Variants in GALNT17 observed in about 807,000 individuals in gnomAD.
The protein encoded by GALNT17 is UDP-GalNAc:polypeptide N-acetylgalactosaminyltransferase-like 3.
GALNT17 carries 29 observed loss-of-function variants against 63.7 expected under a neutral mutation model. The ratio of observed to expected loss-of-function variants is 0.46; its 90% confidence interval spans 0.34 to 0.62. The LOEUF (loss-of-function observed/expected upper bound fraction) is 0.62, where lower values mean the gene tolerates loss of function less well. GALNT17 is among the 20% of genes least tolerant of loss of function. The probability of loss-of-function intolerance (pLI) is 0.01; values close to 1 mark genes in which losing one functional copy is unlikely to be tolerated. For synonymous variants in GALNT17, 305 were observed against 318.3 expected, an observed-to-expected ratio of 0.96 and a Z score of 0.45; for missense variants, 603 against 799.6, an observed-to-expected ratio of 0.75 and a Z score of 2.97.
At chr7:71,382,311 C>T (rs1258338433) in intron 2 of GALNT17, among the ~76,000 whole-genome samples, 9 of 151,878 alleles carry the variant, frequency 5.9e-5, no homozygotes, top group African/African-American at 9.7e-5. Flanking sequence ...ACCCAGGGGG[C>T]GGAGGGTACA....
At chr7:71,208,749 G>T (rs1789320739) in intron 1 of GALNT17, among the ~76,000 whole-genome samples, 1 of 152,010 alleles carries the variant, frequency 6.6e-6, no homozygotes, top group Non-Finnish European at 1.5e-5. Flanking sequence ...ACTACACCTG[G>T]CCACGAGTGC....
intron 5 of GALNT17, among the ~76,000 whole-genome samples, chr7:71,459,291 C>T (rs755550274): frequency 3.3e-5 from 5 of 152,112 alleles, no homozygotes; most frequent in African/African-American, 1.2e-4. Context: ...CAGACAGAAA[C>T]AGCTGGGCTG....
At chr7:71,687,420 A>C (rs765469580) in intron 9 of GALNT17, among the ~76,000 whole-genome samples, 1 of 152,174 alleles carries the variant, frequency 6.6e-6, no homozygotes, top group Non-Finnish European at 1.5e-5. Context: ...TCGTCGTCGG[A>C]AAACACAGAA....
At position 71,344,606 on chromosome 7, in the gene GALNT17, G is replaced by A. The variant is rs1583876816; in HGVS notation, c.422+8873G>A. On this transcript the variant is annotated intron_variant, in intron 2 of 10. Coordinates refer to ENST00000333538, the MANE Select transcript of GALNT17 (RefSeq NM_022479.3). ...TGGCAGAAATGTGGAGAATTGAATG[G>A]AGAAGATGGAGGCTGGTAGCAGGAT... is the stretch of plus-strand genomic sequence containing the variant. 4.6e-5 allele frequency among the ~76,000 whole-genome samples: 7 copies of A among 152,164 alleles called. No homozygotes were observed. In the South Asian group the frequency reaches 1.5e-3, roughly 32 times the overall value.
chr7:71,477,574 C>A (rs1787745628), intron 5 of GALNT17, among the ~76,000 whole-genome samples: 1 of 152,114 alleles, frequency 6.6e-6, no homozygotes, highest in Admixed American at 6.5e-5. Flanking sequence ...TAGTGACTGG[C>A]ACCTACAGTC....
chr7:71,286,116 T>C lies in GALNT17; in HGVS notation c.239-49434T>C, dbSNP rs368315472. Among the ~76,000 whole-genome samples, 4 of 152,292 alleles carry C rather than the reference T, an allele frequency of 2.6e-5. No homozygotes were observed. The East Asian group carries it at 7.7e-4, about 29-fold the overall frequency. ...GCATTCAACTGATTGCAATAAAATA[T>C]CTTGCGTTTGCAAATTTTACAGAAG... On this transcript the variant is annotated intron_variant, in intron 1 of 10. Coordinates refer to ENST00000333538, the MANE Select transcript of GALNT17 (RefSeq NM_022479.3).
intron 1 of GALNT17, among the ~76,000 whole-genome samples, chr7:71,263,553 C>T (rs1790426950): frequency 6.6e-6 from 1 of 152,122 alleles, no homozygotes; most frequent in South Asian, 2.1e-4. Flanking sequence ...TTAGAGCCTC[C>T]TTGGGTTTTC....
intron 5 of GALNT17, among the ~76,000 whole-genome samples, chr7:71,550,776 T>C (rs1789063503): frequency 6.6e-6 from 1 of 152,232 alleles, no homozygotes; most frequent in Admixed American, 6.5e-5. Flanking sequence ...CCAATTGATA[T>C]AAATTTAGAA....
intron 1 of GALNT17, among the ~76,000 whole-genome samples, chr7:71,303,066 C>T (rs1562985339): frequency 6.6e-6 from 1 of 151,878 alleles, no homozygotes; most frequent in Non-Finnish European, 1.5e-5. Context: ...GGTTTCACCA[C>T]GTTGGCCAGG....
At chr7:71,221,236 A>G (rs1013417548) in intron 1 of GALNT17, among the ~76,000 whole-genome samples, 3 of 152,110 alleles carry the variant, frequency 2.0e-5, no homozygotes. Context: ...GCAGCATTCT[A>G]TCCATGTTCC....
At chr7:71,475,191 C>T (rs570024600) in intron 5 of GALNT17, among the ~76,000 whole-genome samples, 1 of 152,342 alleles carries the variant, frequency 6.6e-6, no homozygotes, top group South Asian at 2.1e-4. Flanking sequence ...GGACTGGCTT[C>T]ATGGAAGATA....
In GALNT17 at chr7:71,132,790, GCC is replaced by G. The variant is rs1585825834; in HGVS notation, c.-12_-11del. The G allele has an allele frequency of 3.2e-6, 5 of 1,584,670 alleles. No homozygotes were observed. In the Admixed American group the frequency reaches 7.0e-5, roughly 22 times the overall value. On this transcript the variant is annotated 5_prime_UTR_variant, in exon 1 of 11. Coordinates refer to ENST00000333538, the MANE Select transcript of GALNT17 (RefSeq NM_022479.3). ...GGGCGCAGGTCCGGGGCGAGGGCCG[GCC>G]GGGCTGTTTGATGGCTTCACTGAGA... is the stretch of plus-strand genomic sequence containing the variant.
intron 5 of GALNT17, among the ~76,000 whole-genome samples, chr7:71,470,437 G>A (rs367879066): frequency 9.2e-5 from 14 of 152,114 alleles, no homozygotes; most frequent in African/African-American, 3.1e-4. Context: ...CCTTGGCTTC[G>A]GTCATGCCTC....
rs574199707 is a variant in GALNT17, at chr7:71,357,693, G to C, written c.422+21960G>C. The stretch of plus-strand genomic sequence containing the variant: ...AGGTCAAGGTGGGTGGATCATTTGA[G>C]GTCGGGAGTTCGAGACCAGCCTGGC... On this transcript the variant is annotated intron_variant, in intron 2 of 10. Coordinates refer to ENST00000333538, the MANE Select transcript of GALNT17 (RefSeq NM_022479.3). Among the ~76,000 whole-genome samples the C allele has an allele frequency of 2.6e-5, 4 of 152,268 alleles. No homozygotes were observed. The South Asian group carries it at 8.3e-4, about 32-fold the overall frequency.
chr7:71,361,623 C>CT (rs1792403200), intron 2 of GALNT17, among the ~76,000 whole-genome samples: 1 of 152,120 alleles, frequency 6.6e-6, no homozygotes, highest in Non-Finnish European at 1.5e-5. Flanking sequence ...GCATATGTGT[C>CT]TGGCTATAAT....
At position 71,455,035 on chromosome 7, in the gene GALNT17, G is replaced by A. The variant is rs181710888; in HGVS notation, c.962+33930G>A. Among the ~76,000 whole-genome samples, 154 of 152,096 alleles carry A rather than the reference G, an allele frequency of 1.0e-3. 1 individual carries two copies. Among genetic ancestry groups the A allele is most frequent in the African/African-American group, 3.6e-3 (148 of 41,456 alleles). ...ATACAAAAATTAGCCAGGTGTGGTG[G>A]TATGCATCTATAGTGGCAGCTACTC... On this transcript the variant is annotated intron_variant, in intron 5 of 10. Coordinates refer to ENST00000333538, the MANE Select transcript of GALNT17 (RefSeq NM_022479.3).
chr7:71,407,477 G>A (rs1793349457), intron 3 of GALNT17, among the ~76,000 whole-genome samples: 1 of 152,194 alleles, frequency 6.6e-6, no homozygotes, highest in African/African-American at 2.4e-5. Context: ...TCCAGGCATG[G>A]TGGCTCATTC....
chr7:71,509,683 G>A (rs1160328204), intron 5 of GALNT17, among the ~76,000 whole-genome samples: 2 of 152,158 alleles, frequency 1.3e-5, no homozygotes, highest in Non-Finnish European at 2.9e-5. Flanking sequence ...TAGGATCTGG[G>A]CATGCAATTC....
At chr7:71,691,628 T>G (rs1791444221) in intron 9 of GALNT17, among the ~76,000 whole-genome samples, 1 of 152,174 alleles carries the variant, frequency 6.6e-6, no homozygotes, top group East Asian at 1.9e-4. Flanking sequence ...CAGTGGAGAT[T>G]GTGAGTTGAG....
Sources: allele counts gnomAD v4.1 joint callset (sites outside exome capture counted in the v4.1 genomes callset), GRCh38; gene constraint gnomAD v4.1.1; transcripts MANE v1.5; gene names NCBI Gene and HGNC (gene_info 2026-07-23, HGNC 2026-07-21).